CMYA5: variants seen among roughly 807,000 people sequenced by gnomAD.
CMYA5 encodes the protein cardiomyopathy associated 5.
Under a neutral mutation model 318.9 loss-of-function variants are expected in CMYA5, and 246 were observed. The ratio of observed to expected loss-of-function variants is 0.77; its 90% confidence interval spans 0.70 to 0.86. CMYA5 has a LOEUF of 0.86. Ranked by LOEUF, CMYA5 falls within the 40% of genes least tolerant of loss-of-function variation. The pLI, the probability that CMYA5 is intolerant of heterozygous loss-of-function variation, is 0.00. For synonymous variants in CMYA5, 1,641 were observed against 1,729.5 expected (o/e 0.95, Z 1.27); for missense variants, 4,589 against 4,678.2 (o/e 0.98, Z 0.56).
In CMYA5 at chr5:79,799,881, C is replaced by G; in HGVS notation, c.*265C>G. The stretch of plus-strand genomic sequence containing the variant: ...GTTCTTTCCTAAATTAAAAGATCTA[C>G]ACTTGAGTTGGGAACCGAAAGAGAA... On this transcript the variant is annotated 3_prime_UTR_variant, in exon 13 of 13. Coordinates refer to ENST00000446378, the MANE Select transcript of CMYA5 (RefSeq NM_153610.5). The G allele has an allele frequency of 4.0e-6, 1 of 249,710 alleles. No homozygotes were observed. The highest frequency in any genetic ancestry group is 7.2e-5 in the South Asian group (1 of 13,958). 15.5% of individuals were successfully genotyped at this position (249,710 alleles called of 1,614,324 possible). A position where few individuals can be genotyped will look rare whatever the true frequency, so the allele number is the denominator to read the frequency against.
intron 1 of CMYA5, among the ~76,000 whole-genome samples, chr5:79,714,551 C>T (rs1049560990): frequency 6.7e-6 from 1 of 149,116 alleles, no homozygotes; most frequent in Non-Finnish European, 1.5e-5. Context: ...CATCCTTCTG[C>T]CTCAGCCTCC....
intron 9 of CMYA5, among the ~76,000 whole-genome samples, chr5:79,767,267 G>A (rs1828772469): frequency 1.3e-5 from 2 of 152,124 alleles, no homozygotes; most frequent in South Asian, 4.1e-4. Context: ...TGGATTCACT[G>A]ATTTTTTGAA....
rs755491058 is a variant in CMYA5 at position 79,733,657 on chromosome 5, C to T, written c.4892C>T (p.Pro1631Leu). The change falls in exon 2 of 13, where the codon CCG becomes CTG. Residue 1631 changes from proline (P) to leucine (L), a missense_variant. This residue lies in a region of CMYA5 where 2,132 missense variants were observed against 2,131.3 expected (regional missense o/e 1.00). Transcript: ENST00000446378. ...GAGAAGAAAGACAAGCCACACCAAC[C>T]GTTGGAATTACCAAATGCTGGGTCA... is the stretch of plus-strand genomic sequence containing the variant. ...EPEKKDKPHQ[P>L]LELPNAGSEF... is the part of the protein sequence containing the mutation. The T allele has an allele frequency of 3.2e-5, 51 of 1,613,682 alleles. No individual in the cohort carries two copies. In the Admixed American group the frequency reaches 7.0e-4, roughly 22 times the overall value.
intron 5 of CMYA5, among the ~76,000 whole-genome samples, chr5:79,752,072 T>C (rs544317134): frequency 6.6e-6 from 1 of 152,346 alleles, no homozygotes; most frequent in South Asian, 2.1e-4. Context: ...AATGAGGGTG[T>C]TGAGTCCATA....
chr5:79,733,471 C>T lies in CMYA5; in HGVS notation c.4706C>T (p.Ser1569Leu), dbSNP rs1025456299. Residue 1569 changes from serine to leucine, a missense_variant, in exon 2 of 13, where the codon TCA becomes TTA. Physicochemically the swap from Ser to Leu is moderately radical, Grantham distance 145 (BLOSUM62 -2). Coordinates refer to ENST00000446378, the MANE Select transcript of CMYA5 (RefSeq NM_153610.5). ...PKGKDEETAS[S>L]SPELENLASG... ...GGCAAAGATGAGGAAACAGCAAGTT[C>T]ATCTCCTGAGTTGGAAAATTTAGCA... 1 of 1,613,934 alleles carries T rather than the reference C, an allele frequency of 6.2e-7. No individual in the cohort carries two copies. The highest frequency in any genetic ancestry group is 8.5e-7 in the Non-Finnish European group (1 of 1,179,846).
intron 9 of CMYA5, among the ~76,000 whole-genome samples, chr5:79,785,434 G>T (rs1463548480): frequency 6.6e-6 from 1 of 151,952 alleles, no homozygotes; most frequent in African/African-American, 2.4e-5. Context: ...AAGAACTGAT[G>T]TGCCTTTCCC....
intron 1 of CMYA5, among the ~76,000 whole-genome samples, chr5:79,717,222 A>G (rs1242366179): frequency 6.6e-6 from 1 of 152,202 alleles, no homozygotes; most frequent in African/African-American, 2.4e-5. Flanking sequence ...ATATTGCTTA[A>G]GCTGATGAAA....
At chr5:79,706,030 T>C (rs1253141512) in intron 1 of CMYA5, among the ~76,000 whole-genome samples, 1 of 152,200 alleles carries the variant, frequency 6.6e-6, no homozygotes, top group Non-Finnish European at 1.5e-5. Context: ...CAGCCCGCAA[T>C]GCAACAGGGC....
At chr5:79,747,215 G>A (rs1360876393) in intron 5 of CMYA5, 102 bp downstream of exon 5, 2 of 1,074,416 alleles carry the variant, frequency 1.9e-6, no homozygotes, top group African/African-American at 3.3e-5. Flanking sequence ...ATTAAAAAAT[G>A]CATTTAGTGG....
In CMYA5 at chr5:79,774,023, C is replaced by T. The variant is rs147332501; in HGVS notation, c.11555+10814C>T. Among the ~76,000 whole-genome samples the T allele has an allele frequency of 4.7e-4, 71 of 152,318 alleles. No homozygotes were observed. The South Asian group carries it at 5.6e-3, about 12-fold the overall frequency. ...CTAATTTTGCTTGCCAGAATAGAAA[C>T]ACATCCATCTTCAGACCTGCAGTCC... On this transcript the variant is annotated intron_variant, in intron 9 of 12. Coordinates refer to ENST00000446378, the MANE Select transcript of CMYA5 (RefSeq NM_153610.5).
At chr5:79,766,632 G>T (rs1185075353) in intron 9 of CMYA5, among the ~76,000 whole-genome samples, 3 of 152,200 alleles carry the variant, frequency 2.0e-5, no homozygotes, top group Non-Finnish European at 4.4e-5. Flanking sequence ...TGTTGAACCA[G>T]CCTTGCATCC....
intron 1 of CMYA5, among the ~76,000 whole-genome samples, chr5:79,698,054 C>T (rs185738140): frequency 1.3e-5 from 2 of 152,232 alleles, no homozygotes; most frequent in Admixed American, 1.3e-4. Flanking sequence ...AACAAACTTG[C>T]AACAGTTATT....
rs377060043 is a variant in CMYA5 at position 79,736,767 on chromosome 5, G to T, written c.8002G>T (p.Asp2668Tyr). 1.9e-6 allele frequency: 3 copies of T among 1,613,172 alleles called. No homozygotes were observed. Among genetic ancestry groups the T allele is most frequent in the African/African-American group, 2.7e-5 (2 of 74,738 alleles). The change falls in exon 2 of 13, where the codon GAT becomes TAT. Residue 2668 changes from aspartate to tyrosine, a missense_variant. Physicochemically the swap from Asp to Tyr is radical, Grantham distance 160. Coordinates refer to ENST00000446378, the MANE Select transcript of CMYA5 (RefSeq NM_153610.5). ...VLEKSSRDMP[D>Y]HSEEKEQFRE... is the part of the protein sequence containing the mutation. ...AGAAAAGTCAAGCAGAGATATGCCA[G>T]ATCACAGTGAAGAAAAAGAACAGTT...
chr5:79,697,855 A>G (rs535204453), intron 1 of CMYA5, among the ~76,000 whole-genome samples: 1 of 152,330 alleles, frequency 6.6e-6, no homozygotes, highest in African/African-American at 2.4e-5. Flanking sequence ...AGCATCAAAG[A>G]CCCAAAAAAT....
rs1457241966 is a variant in CMYA5, at chr5:79,733,294, C to A, written c.4529C>A (p.Ser1510Ter). The change falls in exon 2 of 13, where the codon TCA becomes TAA. Residue 1510 changes from serine to a stop codon, truncating the protein, a stop_gained. Transcript: ENST00000446378. LOFTEE classifies it high-confidence loss of function. The part of the protein sequence containing the change: ...STVCDSERLV[S>*]SQKKSLMSTS... ...GTCTGTGACTCTGAACGTTTGGTTTCATCACAGAAGAAGAGCTTGATGTCT... is the reference window on the plus strand; with the variant it reads ...GTCTGTGACTCTGAACGTTTGGTTTAATCACAGAAGAAGAGCTTGATGTCT... The A allele has an allele frequency of 3.7e-6, 6 of 1,613,660 alleles. No homozygotes were observed. The highest frequency in any genetic ancestry group is 1.3e-5 in the African/African-American group (1 of 75,030).
At chr5:79,788,277 A>G (rs1829116139) in intron 9 of CMYA5, among the ~76,000 whole-genome samples, 1 of 151,698 alleles carries the variant, frequency 6.6e-6, no homozygotes. Context: ...AGAGAATAGG[A>G]AAGAAGCACA....
intron 6 of CMYA5, among the ~76,000 whole-genome samples, chr5:79,755,185 T>G (rs182157063): frequency 8.9e-4 from 135 of 152,306 alleles, no homozygotes; most frequent in Admixed American, 1.5e-3. Flanking sequence ...TGGTGGCTCT[T>G]TTTGGGCACA....
At chr5:79,719,635 A>C (rs116610437) in intron 1 of CMYA5, among the ~76,000 whole-genome samples, 110 of 152,322 alleles carry the variant, frequency 7.2e-4, no homozygotes, top group African/African-American at 2.6e-3. Context: ...TTTCCTTCCT[A>C]CCGTGCAAAG....
At chr5:79,699,056 G>A (rs1827126651) in intron 1 of CMYA5, among the ~76,000 whole-genome samples, 1 of 152,186 alleles carries the variant, frequency 6.6e-6, no homozygotes, top group Admixed American at 6.5e-5. Context: ...TACTTGGGAG[G>A]CTGGGGCAGG....
Sources: allele counts gnomAD v4.1 joint callset (sites outside exome capture counted in the v4.1 genomes callset), GRCh38; gene constraint gnomAD v4.1.1; regional missense constraint gnomAD v4.1.1; transcripts MANE v1.5; gene names NCBI Gene and HGNC (gene_info 2026-07-23, HGNC 2026-07-21).